Variants in C16orf95 observed in about 807,000 individuals in gnomAD.
The protein encoded by C16orf95 is uncharacterized protein C16orf95.
C16orf95 carries 41 observed loss-of-function variants against 32.1 expected under a neutral mutation model. The ratio of observed to expected loss-of-function variants is 1.28; its 90% CI spans 1.00 to 1.66. C16orf95 has a LOEUF of 1.66. Ranked by LOEUF, C16orf95 falls within the 40% of genes most tolerant of loss-of-function variation. The pLI is 0.00. For missense variants in C16orf95, 399 were observed against 325.9 expected, an observed-to-expected ratio of 1.22 and a Z score of -1.73; for synonymous variants, 147 against 128.9, an observed-to-expected ratio of 1.14 and a Z score of -0.95.
Position 87,305,164 on chromosome 16 carries a change from G to A in C16orf95, c.701+555C>T, listed in dbSNP as rs1314343332. Among the ~76,000 whole-genome samples, 1 of 152,184 alleles carries A rather than the reference G, an allele frequency of 6.6e-6. No individual in the cohort carries two copies. The highest frequency in any genetic ancestry group is 1.5e-5 in the Non-Finnish European group (1 of 68,034). ...GGGGAGTGGCCCCGGAGGCTTCCTG[G>A]GGGAGGTATCCCAGCAGAAAGCCAT... is the stretch of plus-strand genomic sequence containing the variant. On this transcript the variant is annotated intron_variant, in intron 6 of 6. Coordinates refer to ENST00000567970, the MANE Select transcript of C16orf95 (RefSeq NM_001195124.3). This position sits in a 1 kb window ranked among gnomAD's most constrained non-coding sequence, Gnocchi z 4.2.
rs749424291 is a variant in C16orf95, at chr16:87,315,815, G to A, written c.161C>T (p.Thr54Ile). ...TPSAQDGRNS[T>I]FQTYKKEVCL... is the part of the protein sequence containing the mutation. Reference sequence around the variant, plus strand: ...CACTTCTTTCTTGTAGGTTTGAAATGTGCTATTCCTAGAAGAGAAGAACAG... The same window carrying A: ...CACTTCTTTCTTGTAGGTTTGAAATATGCTATTCCTAGAAGAGAAGAACAG... The change falls in exon 2 of 7, where the codon ACA (threonine) becomes ATA (isoleucine). Residue 54 changes from threonine to isoleucine, a missense_variant. Physicochemically the swap from Thr to Ile is moderately conservative, Grantham distance 89. Transcript: ENST00000567970. 6.5e-6 allele frequency: 10 copies of A among 1,530,228 alleles called. No individual in the cohort carries two copies. Among genetic ancestry groups the A allele is most frequent in the South Asian group, 4.8e-5 (4 of 82,872 alleles). The allele number at this position is 1,530,228 out of a possible 1,614,324, so 94.8% of individuals were successfully genotyped here.
chr16:87,304,931 A>C (rs1235003021), intron 6 of C16orf95, among the ~76,000 whole-genome samples: 2 of 152,240 alleles, frequency 1.3e-5, no homozygotes, highest in Non-Finnish European at 2.9e-5. Flanking sequence ...GCAAACAAGT[A>C]AATGCATGTA....
Position 87,305,999 on chromosome 16 carries a change from G to C in C16orf95, c.515-94C>G. 1 of 1,018,162 alleles carries C rather than the reference G, an allele frequency of 9.8e-7. No individual in the cohort carries two copies. The highest frequency in any genetic ancestry group is 1.3e-6 in the Non-Finnish European group (1 of 759,292). 63.1% of individuals were successfully genotyped at this position (1,018,162 alleles called of 1,614,324 possible). A position where few individuals can be genotyped will look rare whatever the true frequency, so the allele number is the denominator to read the frequency against. Reference sequence around the variant, plus strand: ...GCAACACCAGCCCCAGAGCCTCCGGGAAATGGGGACTTCCAGGACCCAGCC... The same window carrying C: ...GCAACACCAGCCCCAGAGCCTCCGGCAAATGGGGACTTCCAGGACCCAGCC... On this transcript the variant is annotated intron_variant, in intron 5 of 6. Transcript: ENST00000567970. This position sits in a 1 kb window ranked among gnomAD's most constrained non-coding sequence, Gnocchi z 4.2.
At position 87,302,988 on chromosome 16, in the gene C16orf95, G is replaced by A. The variant is rs2150643870; in HGVS notation, c.*69C>T. ...CTGTCACAGACGCCTCCTGATTGGT[G>A]GACTCTCAAAGATCTTGATCGTGAC... is the stretch of plus-strand genomic sequence containing the variant. On this transcript the variant is annotated 3_prime_UTR_variant, in exon 7 of 7. Coordinates refer to ENST00000567970, the MANE Select transcript of C16orf95 (RefSeq NM_001195124.3). 1.4e-6 allele frequency: 2 copies of A among 1,476,776 alleles called. No individual in the cohort carries two copies. The highest frequency in any genetic ancestry group is 1.2e-5 in the South Asian group (1 of 82,894). 91.5% of individuals were successfully genotyped at this position (1,476,776 alleles called of 1,614,324 possible).
chr16:87,305,817 G>C lies in C16orf95; in HGVS notation c.603C>G (p.Ala201=), dbSNP rs1597342075. 2.7e-6 allele frequency: 4 copies of C among 1,502,190 alleles called. No individual in the cohort carries two copies. The East Asian group carries it at 7.8e-5, about 29-fold the overall frequency. The allele number at this position is 1,502,190 out of a possible 1,614,324, so 93.1% of individuals were successfully genotyped here. Residue 201 remains alanine (A), a synonymous_variant, in exon 6 of 7, where the codon GCC becomes GCG. Transcript: ENST00000567970. This position sits in a 1 kb window ranked among gnomAD's most constrained non-coding sequence, Gnocchi z 4.2. ...GAGCCGGTAGCTGGTCCTGGTAGGG[G>C]GCCTGGAGCTGCTGGAACTTGGACA... The part of the protein sequence containing the change: ...CLLSKFQQLQ[A]PYQDQLPAPA...
intron 1 of C16orf95, among the ~76,000 whole-genome samples, chr16:87,316,468 A>G (rs1242164695): frequency 2.0e-5 from 3 of 152,214 alleles, no homozygotes; most frequent in African/African-American, 7.2e-5. Context: ...TAAGAGCGAT[A>G]TAAGTGTTTT....
At position 87,317,091 on chromosome 16, in the gene C16orf95, C is replaced by A. The variant is rs1206714872; in HGVS notation, c.152G>T (p.Arg51Met). ...CGGGCAGGATTCAGGACTCACTTGC[C>A]TGCCATCCTGCGCGCTGGGTGTGAG... ...LALTPSAQDG[R>M]NSTFQTYKKE... The change falls in exon 1 of 7, where the codon AGG becomes ATG. Residue 51 changes from arginine to methionine, a missense_variant and splice_region_variant. Coordinates refer to ENST00000567970, the MANE Select transcript of C16orf95 (RefSeq NM_001195124.3). 2 of 1,521,122 alleles carry A rather than the reference C, an allele frequency of 1.3e-6. No individual in the cohort carries two copies. The highest frequency in any genetic ancestry group is 1.8e-6 in the Non-Finnish European group (2 of 1,138,220). The allele number at this position is 1,521,122 out of a possible 1,614,324, so 94.2% of individuals were successfully genotyped here. A position where few individuals can be genotyped will look rare whatever the true frequency, so the allele number is the denominator to read the frequency against.
At position 87,305,740 on chromosome 16, in the gene C16orf95, G is replaced by C; in HGVS notation, c.680C>G (p.Pro227Arg). Residue 227 changes from proline (P) to arginine (R), a missense_variant, in exon 6 of 7, where the codon CCG (proline) becomes CGG (arginine). Physicochemically the swap from Pro to Arg is moderately radical, Grantham distance 103. Coordinates refer to ENST00000567970, the MANE Select transcript of C16orf95 (RefSeq NM_001195124.3). This position sits in a 1 kb window ranked among gnomAD's most constrained non-coding sequence, Gnocchi z 4.2. Reference protein sequence around the residue: ...LGLLTLLQAIPRVIMAIRQCF... With the variant: ...LGLLTLLQAIRRVIMAIRQCF... ...TCACCGAATGGCCATGATGACCCTC[G>C]GGATGGCCTGGAGGAGGGTCAGGAG... 6.6e-7 allele frequency: 1 copy of C among 1,511,572 alleles called. No individual in the cohort carries two copies. Among genetic ancestry groups the C allele is most frequent in the Non-Finnish European group, 8.8e-7 (1 of 1,135,442 alleles). The allele number at this position is 1,511,572 out of a possible 1,614,324, so 93.6% of individuals were successfully genotyped here.
At chr16:87,316,955 T>C (rs934644765) in intron 1 of C16orf95, 136 bp downstream of exon 1, 2 of 1,347,694 alleles carry the variant, frequency 1.5e-6, no homozygotes, top group African/African-American at 3.0e-5. Flanking sequence ...TGCGTTTTTG[T>C]TAAGCCAATG....
chr16:87,311,654 T>A (rs1007700918), intron 3 of C16orf95, among the ~76,000 whole-genome samples: 4 of 152,202 alleles, frequency 2.6e-5, no homozygotes, highest in African/African-American at 9.6e-5. Flanking sequence ...ACACTTAGCA[T>A]CCCTGTGCCG....
intron 5 of C16orf95, among the ~76,000 whole-genome samples, chr16:87,309,434 A>C (rs1205762630): frequency 2.6e-5 from 3 of 117,292 alleles, no homozygotes; most frequent in Non-Finnish European, 4.7e-5. Context: ...CCCAGGCTGG[A>C]GTGCAATGGT....
rs200323572 is a variant in C16orf95, at chr16:87,315,726, GA to G, written c.204+45del. The G allele has an allele frequency of 7.2e-5, 102 of 1,408,142 alleles. 1 individual carries two copies. The East Asian group carries it at 2.5e-3, about 35-fold the overall frequency. The allele number at this position is 1,408,142 out of a possible 1,614,324, so 87.2% of individuals were successfully genotyped here. ...TTCCCTGCTCTCCTCACCCCACAGGGATATGTTGGGGTCAGGGCCAGTGGCT... is the reference window on the plus strand; with the variant it reads ...TTCCCTGCTCTCCTCACCCCACAGGGTATGTTGGGGTCAGGGCCAGTGGCT... On this transcript the variant is annotated intron_variant, in intron 2 of 6. Coordinates refer to ENST00000567970, the MANE Select transcript of C16orf95 (RefSeq NM_001195124.3).
chr16:87,305,651 C>T lies in C16orf95; in HGVS notation c.701+68G>A. On this transcript the variant is annotated intron_variant, in intron 6 of 6. Transcript: ENST00000567970. This position sits in a 1 kb window ranked among gnomAD's most constrained non-coding sequence, Gnocchi z 4.2. Reference sequence around the variant, plus strand: ...ACTCTTCCACATCCCTGATGGCCACCAAGCCTCCCTCAGGTGGACGTCACC... The same window carrying T: ...ACTCTTCCACATCCCTGATGGCCACTAAGCCTCCCTCAGGTGGACGTCACC... 1 of 1,384,418 alleles carries T rather than the reference C, an allele frequency of 7.2e-7. No individual in the cohort carries two copies. Among genetic ancestry groups the T allele is most frequent in the Non-Finnish European group, 9.5e-7 (1 of 1,053,626 alleles). The allele number at this position is 1,384,418 out of a possible 1,614,324, so 85.8% of individuals were successfully genotyped here.
Position 87,315,825 on chromosome 16 carries a change from TAGAAG to T in C16orf95, c.153-7_153-3del, listed in dbSNP as rs1300261401. 1.3e-6 allele frequency: 2 copies of T among 1,528,880 alleles called. No homozygotes were observed. Among genetic ancestry groups the T allele is most frequent in the African/African-American group, 1.4e-5 (1 of 72,756 alleles). 94.7% of individuals were successfully genotyped at this position (1,528,880 alleles called of 1,614,324 possible). A position where few individuals can be genotyped will look rare whatever the true frequency, so the allele number is the denominator to read the frequency against. On this transcript the variant is annotated splice_polypyrimidine_tract_variant and splice_region_variant and intron_variant, in intron 1 of 6. Transcript: ENST00000567970. The stretch of plus-strand genomic sequence containing the variant: ...TTGTAGGTTTGAAATGTGCTATTCC[TAGAAG>T]AGAAGAACAGAAAAGCTTAGGGTTT...
rs1911090014 is a variant in C16orf95, at chr16:87,307,730, C to T, written c.515-1825G>A. 2.6e-5 allele frequency among the ~76,000 whole-genome samples: 4 copies of T among 152,120 alleles called. No individual in the cohort carries two copies. The South Asian group carries it at 8.3e-4, about 31-fold the overall frequency. ...CCGAGATCACGTCATTGCACTCCAG[C>T]CTGGGTGACAGAGTGAGACTCCATC... On this transcript the variant is annotated intron_variant, in intron 5 of 6. Transcript: ENST00000567970.
At chr16:87,314,523 G>A (rs1372124616) in intron 3 of C16orf95, among the ~76,000 whole-genome samples, 1 of 152,138 alleles carries the variant, frequency 6.6e-6, no homozygotes, top group Non-Finnish European at 1.5e-5. Flanking sequence ...GGAATGTTGG[G>A]TAAAGTTACA....
Position 87,305,758 on chromosome 16 carries a change from G to A in C16orf95, c.662C>T (p.Thr221Ile). ...AARLLPLGLLTLLQAIPRVIM... is the reference protein window; with the variant it reads ...AARLLPLGLLILLQAIPRVIM... ...GACCCTCGGGATGGCCTGGAGGAGGGTCAGGAGGCCGAGGGGCAGCAGACG... is the reference window on the plus strand; with the variant it reads ...GACCCTCGGGATGGCCTGGAGGAGGATCAGGAGGCCGAGGGGCAGCAGACG... Residue 221 changes from threonine (T) to isoleucine (I), a missense_variant, in exon 6 of 7, where the codon ACC (threonine) becomes ATC (isoleucine). Transcript: ENST00000567970. This position sits in a 1 kb window ranked among gnomAD's most constrained non-coding sequence, Gnocchi z 4.2. 6.6e-7 allele frequency: 1 copy of A among 1,518,486 alleles called. No homozygotes were observed. Among genetic ancestry groups the A allele is most frequent in the South Asian group, 1.2e-5 (1 of 83,106 alleles). 94.1% of individuals were successfully genotyped at this position (1,518,486 alleles called of 1,614,324 possible).
At chr16:87,312,258 G>C (rs1380525590) in intron 3 of C16orf95, among the ~76,000 whole-genome samples, 1 of 152,192 alleles carries the variant, frequency 6.6e-6, no homozygotes, top group Non-Finnish European at 1.5e-5. Flanking sequence ...TCTGCACGTA[G>C]TGGTAGAGGC....
chr16:87,302,996 A>G lies in C16orf95; in HGVS notation c.*61T>C, dbSNP rs2150643879. On this transcript the variant is annotated 3_prime_UTR_variant, in exon 7 of 7. Coordinates refer to ENST00000567970, the MANE Select transcript of C16orf95 (RefSeq NM_001195124.3). ...GACGCCTCCTGATTGGTGGACTCTC[A>G]AAGATCTTGATCGTGACACATTTTT... 2 of 1,519,506 alleles carry G rather than the reference A, an allele frequency of 1.3e-6. No homozygotes were observed. Among genetic ancestry groups the G allele is most frequent in the East Asian group, 4.9e-5 (2 of 40,838 alleles). 94.1% of individuals were successfully genotyped at this position (1,519,506 alleles called of 1,614,324 possible). A position where few individuals can be genotyped will look rare whatever the true frequency, so the allele number is the denominator to read the frequency against.
Sources: gnomAD v4.1 joint callset for allele counts (sites outside exome capture counted in the v4.1 genomes callset) on GRCh38, gnomAD v4.1.1 for gene constraint, Gnocchi (gnomAD v3.1) non-coding constraint, MANE v1.5 for transcripts, NCBI Gene and HGNC (gene_info 2026-07-23, HGNC 2026-07-21) for gene names.